The following CNTNAP2 variants were observed in gnomAD, a reference collection of about 807,000 sequenced individuals.
CNTNAP2 encodes contactin-associated protein-like 2.
CNTNAP2 carries 98 observed loss-of-function variants against 155.2 expected under a neutral mutation model. The ratio of observed to expected loss-of-function variants is 0.63; its 90% confidence interval spans 0.54 to 0.75. The LOEUF (loss-of-function observed/expected upper bound fraction) is 0.75. Ranked by LOEUF, CNTNAP2 falls within the 30% of genes least tolerant of loss-of-function variation. The pLI, the probability that CNTNAP2 is intolerant of heterozygous loss-of-function variation, is 0.00. For missense variants in CNTNAP2, 1,727 were observed against 1,688.1 expected (o/e 1.02, Z -0.40); for synonymous variants, 651 against 631.2 (o/e 1.03, Z -0.47).
intron 6 of CNTNAP2, among the ~76,000 whole-genome samples, chr7:147,126,567 G>A (rs1801243213): frequency 1.3e-5 from 2 of 152,136 alleles, no homozygotes; most frequent in Non-Finnish European, 1.5e-5. Flanking sequence ...TCCGCCTCCT[G>A]GGTTCAAGTT....
intron 18 of CNTNAP2, among the ~76,000 whole-genome samples, chr7:148,180,083 T>C (rs1411756752): frequency 6.6e-6 from 1 of 152,166 alleles, no homozygotes; most frequent in Non-Finnish European, 1.5e-5. Context: ...ATGTTGGAAG[T>C]ATGCATCTTA....
At chr7:146,928,517 C>G (rs566443783) in intron 3 of CNTNAP2, among the ~76,000 whole-genome samples, 4 of 152,286 alleles carry the variant, frequency 2.6e-5, no homozygotes, top group East Asian at 1.9e-4. Context: ...ACGCAGAAGA[C>G]GGGTGATTTC....
At chr7:147,525,117 A>G (rs181291949) in intron 11 of CNTNAP2, among the ~76,000 whole-genome samples, 1 of 152,236 alleles carries the variant, frequency 6.6e-6, no homozygotes, top group East Asian at 1.9e-4. Context: ...TCAAGAGACA[A>G]TCTAGCCTTA....
Position 146,954,265 on chromosome 7 carries a change from A to G in CNTNAP2, c.403-89642A>G, listed in dbSNP as rs183534853. On this transcript the variant is annotated intron_variant, in intron 3 of 23. Transcript: ENST00000361727. ...ATTTTTTCTAAAATTAGAAGGTAAC[A>G]TTGAATGGACACACAGCAGATACAT... is the stretch of plus-strand genomic sequence containing the variant. 5.3e-5 allele frequency among the ~76,000 whole-genome samples: 8 copies of G among 152,108 alleles called. No individual in the cohort carries two copies. In the East Asian group the frequency reaches 1.3e-3, roughly 26 times the overall value.
chr7:147,800,778 T>C (rs968943667), intron 13 of CNTNAP2, among the ~76,000 whole-genome samples: 5 of 152,218 alleles, frequency 3.3e-5, no homozygotes, highest in African/African-American at 9.6e-5. Flanking sequence ...GACCAATAAA[T>C]GGTAGTATCA....
chr7:146,844,728 G>T (rs552055474), intron 3 of CNTNAP2, among the ~76,000 whole-genome samples: 136 of 152,196 alleles, frequency 8.9e-4, no homozygotes, highest in Admixed American at 2.5e-3. Context: ...TTGTAGGATA[G>T]GAACATACTA....
chr7:148,325,320 C>A (rs1797868049), intron 21 of CNTNAP2, among the ~76,000 whole-genome samples: 1 of 152,186 alleles, frequency 6.6e-6, no homozygotes, highest in Non-Finnish European at 1.5e-5. Flanking sequence ...TGATAAAGAC[C>A]TATCCTTGTG....
intron 1 of CNTNAP2, among the ~76,000 whole-genome samples, chr7:146,223,592 A>G (rs968933481): frequency 5.3e-5 from 8 of 152,202 alleles, no homozygotes; most frequent in African/African-American, 1.9e-4. Context: ...GCTGGAATGC[A>G]TAAGATACAG....
At chr7:148,331,771 A>ATGGGGTAGACGGATGGAGTGGACAGG (rs1563046186) in intron 21 of CNTNAP2, among the ~76,000 whole-genome samples, 5 of 128,752 alleles carry the variant, frequency 3.9e-5, no homozygotes, top group African/African-American at 1.2e-4. Context: ...GATTGGATGG[A>ATGGGGTAGACGGATGGAGTGGACAGG]TGGAATGGAC....
intron 9 of CNTNAP2, among the ~76,000 whole-genome samples, chr7:147,394,946 T>C (rs996466959): frequency 3.3e-5 from 5 of 151,648 alleles, no homozygotes. Context: ...CATATTATGG[T>C]ATTTTATTTA....
At chr7:146,232,256 C>T (rs1375822290) in intron 1 of CNTNAP2, among the ~76,000 whole-genome samples, 1 of 148,980 alleles carries the variant, frequency 6.7e-6, no homozygotes, top group South Asian at 2.1e-4. Flanking sequence ...GCCCTGAATG[C>T]CTGTATGTGT....
At chr7:146,134,294 C>A (rs1797763396) in intron 1 of CNTNAP2, among the ~76,000 whole-genome samples, 1 of 147,502 alleles carries the variant, frequency 6.8e-6, no homozygotes. Flanking sequence ...TGCTTATCAG[C>A]TTAAGGAGAT....
At chr7:148,413,668 G>A (rs1421027781) in intron 23 of CNTNAP2, among the ~76,000 whole-genome samples, 3 of 151,716 alleles carry the variant, frequency 2.0e-5, no homozygotes, top group Non-Finnish European at 4.4e-5. Flanking sequence ...ACAGAACAGT[G>A]TTAAAAAATC....
intron 13 of CNTNAP2, among the ~76,000 whole-genome samples, chr7:147,765,440 T>A (rs77921668): frequency 0.013 from 2,029 of 152,236 alleles, 102 homozygotes; most frequent in Admixed American, 0.09. Flanking sequence ...AAATCTACTA[T>A]GAGAAATTTA....
At chr7:146,966,661 TG>T (rs1181715257) in intron 3 of CNTNAP2, among the ~76,000 whole-genome samples, 3 of 152,138 alleles carry the variant, frequency 2.0e-5, no homozygotes, top group Non-Finnish European at 4.4e-5. Context: ...ATATGGAGGA[TG>T]GGGAATGACG....
At chr7:147,748,878 A>G (rs1229426556) in intron 13 of CNTNAP2, among the ~76,000 whole-genome samples, 1 of 152,176 alleles carries the variant, frequency 6.6e-6, no homozygotes, top group Admixed American at 6.5e-5. Flanking sequence ...GACTGAAACA[A>G]AAAGGAAGGG....
At chr7:146,388,184 A>G (rs1457723374) in intron 1 of CNTNAP2, among the ~76,000 whole-genome samples, 2 of 151,324 alleles carry the variant, frequency 1.3e-5, no homozygotes, top group South Asian at 2.1e-4. Context: ...TAATCCTCGC[A>G]CTTTGAGACG....
intron 1 of CNTNAP2, among the ~76,000 whole-genome samples, chr7:146,716,424 T>C (rs1028919325): frequency 2.0e-5 from 3 of 152,158 alleles, no homozygotes; most frequent in Non-Finnish European, 4.4e-5. Context: ...ATTTGGCCTT[T>C]GGAGGTTTTT....
intron 10 of CNTNAP2, among the ~76,000 whole-genome samples, chr7:147,476,255 G>A (rs916516700): frequency 4.6e-5 from 7 of 151,796 alleles, no homozygotes; most frequent in East Asian, 3.9e-4. Context: ...ACAGGCGCCC[G>A]CCACCATGCC....
Sources: allele counts gnomAD v4.1 joint callset (sites outside exome capture counted in the v4.1 genomes callset), GRCh38; gene constraint gnomAD v4.1.1; transcripts MANE v1.5; gene names NCBI Gene and HGNC (gene_info 2026-07-23, HGNC 2026-07-21).